Variants in MYO16 observed in about 807,000 individuals in gnomAD.
MYO16 encodes the protein unconventional myosin-XVI.
A neutral mutation model predicts 205.3 loss-of-function variants in MYO16; 94 were observed. The ratio of observed to expected loss-of-function variants is 0.46; its 90% CI spans 0.39 to 0.54. The LOEUF is 0.54. MYO16 is among the 20% of genes least tolerant of loss of function. MYO16 has a pLI of 0.00. For synonymous variants in MYO16, 988 were observed against 954.0 expected (o/e 1.04, Z -0.66); for missense variants, 2,315 against 2,387.5 (o/e 0.97, Z 0.63).
the MYO16 span, among the ~76,000 whole-genome samples, chr13:108,570,290 C>T: frequency 1.3e-5 from 2 of 151,876 alleles, no homozygotes; most frequent in Non-Finnish European, 2.9e-5. Flanking sequence ...GTTCTATCAC[C>T]CAGGCTGGAG....
chr13:108,966,797 T>G (rs1415295801), intron 20 of MYO16, among the ~76,000 whole-genome samples: 1 of 152,172 alleles, frequency 6.6e-6, no homozygotes, highest in Non-Finnish European at 1.5e-5. Flanking sequence ...TATTTCTAAT[T>G]CATTTAAATT....
chr13:109,004,690 G>T (rs1173651937), intron 21 of MYO16, among the ~76,000 whole-genome samples: 1 of 152,054 alleles, frequency 6.6e-6, no homozygotes, highest in Non-Finnish European at 1.5e-5. Flanking sequence ...ATGAAGATCT[G>T]GATTGCCTGG....
chr13:109,064,295 T>C (rs1353778238), intron 27 of MYO16, among the ~76,000 whole-genome samples: 3 of 152,204 alleles, frequency 2.0e-5, no homozygotes, highest in African/African-American at 7.2e-5. Context: ...AAAAGGGGTT[T>C]GCCTGGCTTC....
chr13:108,533,958 G>A, the MYO16 span, among the ~76,000 whole-genome samples: 4 of 152,112 alleles, frequency 2.6e-5, no homozygotes, highest in Non-Finnish European at 5.9e-5. Context: ...TGCCCCCTTA[G>A]TTTTGCATAG....
chr13:109,017,902 G>A (rs1252283585), intron 22 of MYO16, among the ~76,000 whole-genome samples: 1 of 152,214 alleles, frequency 6.6e-6, no homozygotes, highest in Non-Finnish European at 1.5e-5. Flanking sequence ...TTTGTGATGG[G>A]TTTGAACATC....
chr13:108,922,750 A>T (rs1013005407), intron 16 of MYO16, among the ~76,000 whole-genome samples: 1 of 152,220 alleles, frequency 6.6e-6, no homozygotes, highest in African/African-American at 2.4e-5. Flanking sequence ...ATGTGTGTTT[A>T]TGTGTGTGCA....
At chr13:108,691,388 AG>A (rs1882889258) in intron 2 of MYO16, among the ~76,000 whole-genome samples, 1 of 151,976 alleles carries the variant, frequency 6.6e-6, no homozygotes, top group African/African-American at 2.4e-5. Context: ...TTAGAGGTGT[AG>A]GGGTGTGTGT....
At chr13:109,088,034 A>G (rs144210312) in intron 27 of MYO16, among the ~76,000 whole-genome samples, 157 of 152,328 alleles carry the variant, frequency 1.0e-3, no homozygotes, top group African/African-American at 3.8e-3. Flanking sequence ...TGAATGTACA[A>G]AACAGGCTGG....
intron 31 of MYO16, among the ~76,000 whole-genome samples, chr13:109,135,643 C>T (rs984779797): frequency 6.6e-6 from 1 of 152,196 alleles, no homozygotes; most frequent in Non-Finnish European, 1.5e-5. Flanking sequence ...GGACTGCAGG[C>T]TCACATTGCA....
chr13:108,665,489 G>A (rs958408915), intron 1 of MYO16, among the ~76,000 whole-genome samples: 4 of 152,056 alleles, frequency 2.6e-5, no homozygotes, highest in Non-Finnish European at 4.4e-5. Context: ...CTATTAGGTT[G>A]TTCTGAAAAA....
intron 16 of MYO16, among the ~76,000 whole-genome samples, chr13:108,920,276 C>CT (rs1566411994): frequency 6.6e-6 from 1 of 151,348 alleles, no homozygotes; most frequent in African/African-American, 2.5e-5. Context: ...TGTTCCACTC[C>CT]TTTTTTTCTC....
At chr13:109,003,212 C>T (rs1349995609) in intron 21 of MYO16, among the ~76,000 whole-genome samples, 1 of 152,200 alleles carries the variant, frequency 6.6e-6, no homozygotes, top group Non-Finnish European at 1.5e-5. Flanking sequence ...TTCCAGAAGG[C>T]ACCTTCATAA....
At chr13:108,820,036 C>G (rs1434922191) in intron 7 of MYO16, among the ~76,000 whole-genome samples, 1 of 152,152 alleles carries the variant, frequency 6.6e-6, no homozygotes, top group African/African-American at 2.4e-5. Flanking sequence ...TAACTAGTTT[C>G]TCATCCTAAA....
chr13:108,528,207 T>C, the MYO16 span, among the ~76,000 whole-genome samples: 1 of 152,226 alleles, frequency 6.6e-6, no homozygotes, highest in Non-Finnish European at 1.5e-5. Flanking sequence ...GTATTTACCA[T>C]ATCCGACAGC....
chr13:109,100,734 A>G (rs1489798364), intron 27 of MYO16, 51 bp from the exon 28 acceptor site: 18 of 1,436,790 alleles, frequency 1.3e-5, no homozygotes, highest in Non-Finnish European at 1.8e-5. Flanking sequence ...GAATGTGATC[A>G]TGTGCTTGGC....
At chr13:109,123,146 C>G (rs751394781) in intron 29 of MYO16, among the ~76,000 whole-genome samples, 19 of 152,208 alleles carry the variant, frequency 1.2e-4, no homozygotes, top group Non-Finnish European at 2.4e-4. Flanking sequence ...CAAACATCAA[C>G]ATCCATTAGT....
chr13:108,658,325 T>A (rs1881335128), intron 1 of MYO16, among the ~76,000 whole-genome samples: 1 of 152,114 alleles, frequency 6.6e-6, no homozygotes, highest in Non-Finnish European at 1.5e-5. Flanking sequence ...CTAGAAATTG[T>A]CAATTTCTCA....
intron 22 of MYO16, among the ~76,000 whole-genome samples, chr13:109,009,294 T>C (rs1328771072): frequency 1.3e-5 from 2 of 152,310 alleles, no homozygotes; most frequent in East Asian, 3.9e-4. Context: ...ACACTGTTTA[T>C]TCAACATCAC....
At chr13:108,766,327 T>G (rs9521016) in intron 4 of MYO16, among the ~76,000 whole-genome samples, 1 of 152,018 alleles carries the variant, frequency 6.6e-6, no homozygotes, top group Admixed American at 6.5e-5. Flanking sequence ...GATGTTCATT[T>G]GCTGCTGGTT....
Sources: allele counts gnomAD v4.1 joint callset (sites outside exome capture counted in the v4.1 genomes callset), GRCh38; gene constraint gnomAD v4.1.1; transcripts MANE v1.5; gene names NCBI Gene and HGNC (gene_info 2026-07-23, HGNC 2026-07-21).